The following PDE4D variants were observed in gnomAD, a reference collection of about 807,000 sequenced individuals.
PDE4D encodes 3',5'-cyclic-AMP phosphodiesterase 4D.
Under a neutral mutation model 87.4 loss-of-function variants are expected in PDE4D, and 24 were observed. That is an observed-to-expected ratio of 0.27 (90% confidence interval 0.20 to 0.39). PDE4D has a LOEUF of 0.39. PDE4D is among the 10% of genes least tolerant of loss of function. The pLI is 1.00. For missense variants in PDE4D, 714 were observed against 1,041.0 expected (o/e 0.69, Z 4.32); for synonymous variants, 384 against 383.2 (o/e 1.00, Z -0.02).
intron 1 of PDE4D, among the ~76,000 whole-genome samples, chr5:60,213,865 G>A (rs1255901218): frequency 2.0e-5 from 3 of 152,098 alleles, no homozygotes; most frequent in Non-Finnish European, 2.9e-5. Flanking sequence ...GTGTCTGTAG[G>A]CACCATAGGA....
chr5:59,316,814 T>C lies in PDE4D; in HGVS notation c.456-100846A>G, dbSNP rs370445984. On this transcript the variant is annotated intron_variant, in intron 1 of 14. Transcript: ENST00000340635. Reference sequence around the variant, plus strand: ...AGAATGAGGTAAACAGATGTCATAATAACCACGGGACACCTGCCTTCTTCA... The same window carrying C: ...AGAATGAGGTAAACAGATGTCATAACAACCACGGGACACCTGCCTTCTTCA... Among the ~76,000 whole-genome samples the C allele has an allele frequency of 3.4e-4, 52 of 152,306 alleles. 2 individuals are homozygous for C. Among genetic ancestry groups the C allele is most frequent in the African/African-American group, 1.2e-3 (50 of 41,570 alleles).
intron 2 of PDE4D, among the ~76,000 whole-genome samples, chr5:59,198,216 T>C (rs577566159): frequency 6.6e-6 from 1 of 152,012 alleles, no homozygotes; most frequent in East Asian, 1.9e-4. Flanking sequence ...ACAGCTCTTT[T>C]AAAAAAAAGA....
At chr5:59,568,277 G>C (rs985647461) in intron 1 of PDE4D, among the ~76,000 whole-genome samples, 1 of 152,172 alleles carries the variant, frequency 6.6e-6, no homozygotes, top group Non-Finnish European at 1.5e-5. Context: ...CGATTAGTAT[G>C]ACAGTAGTGG....
At chr5:59,959,693 C>T (rs1249307266) in intron 3 of PDE4D, among the ~76,000 whole-genome samples, 1 of 151,982 alleles carries the variant, frequency 6.6e-6, no homozygotes, top group Non-Finnish European at 1.5e-5. Context: ...TACCTCTTAA[C>T]TCAGGATGGA....
chr5:60,131,407 AAC>A (rs1414305242), intron 2 of PDE4D, among the ~76,000 whole-genome samples: 1 of 152,230 alleles, frequency 6.6e-6, no homozygotes, highest in Non-Finnish European at 1.5e-5. Context: ...ATCAACAAAT[AAC>A]AGTCTGTTGC....
At chr5:59,835,537 T>C (rs1741887972) in intron 1 of PDE4D, among the ~76,000 whole-genome samples, 1 of 152,068 alleles carries the variant, frequency 6.6e-6, no homozygotes. Context: ...TACAGTTCTT[T>C]CATCTTGTAT....
chr5:60,385,898 A>C (rs1381131618), intron 1 of PDE4D, among the ~76,000 whole-genome samples: 1 of 152,034 alleles, frequency 6.6e-6, no homozygotes, highest in Non-Finnish European at 1.5e-5. Flanking sequence ...CTAGCTGGGC[A>C]CTTCCACCTG....
chr5:59,240,806 A>C (rs1581555187), intron 1 of PDE4D, among the ~76,000 whole-genome samples: 2 of 20,366 alleles, frequency 9.8e-5, no homozygotes, highest in South Asian at 1.2e-3. Flanking sequence ...ACACACACAC[A>C]CATCCCTTTT....
At chr5:60,433,742 T>TA (rs1744545657) in intron 1 of PDE4D, among the ~76,000 whole-genome samples, 1 of 152,098 alleles carries the variant, frequency 6.6e-6, no homozygotes, top group Non-Finnish European at 1.5e-5. Flanking sequence ...TATGCAACCA[T>TA]AAAAAAGAAT....
chr5:59,353,979 C>G (rs1780942140), intron 1 of PDE4D, among the ~76,000 whole-genome samples: 1 of 152,122 alleles, frequency 6.6e-6, no homozygotes, highest in East Asian at 1.9e-4. Context: ...AAATCAGACA[C>G]TAATTGAATT....
chr5:59,041,232 T>C (rs1017234602), intron 5 of PDE4D, among the ~76,000 whole-genome samples: 1 of 152,214 alleles, frequency 6.6e-6, no homozygotes, highest in African/African-American at 2.4e-5. Context: ...TCCCCAATTC[T>C]AAGAATGTAA....
chr5:59,210,485 T>C (rs776500363), intron 2 of PDE4D, among the ~76,000 whole-genome samples: 10 of 152,172 alleles, frequency 6.6e-5, no homozygotes, highest in Non-Finnish European at 1.5e-4. Flanking sequence ...GACAGTAGTT[T>C]GACATGGGAG....
At chr5:59,215,747 TTC>T (rs760794145) in intron 2 of PDE4D, 28 bp downstream of exon 2, 287 of 1,597,988 alleles carry the variant, frequency 1.8e-4, no homozygotes, top group Middle Eastern at 3.3e-4. Context: ...TTACTCGGTT[TTC>T]TCTCTCTTTG....
Position 59,731,286 on chromosome 5 carries a change from C to T in PDE4D, c.455+161882G>A, listed in dbSNP as rs566000170. Among the ~76,000 whole-genome samples the T allele has an allele frequency of 1.9e-4, 29 of 152,180 alleles. 1 individual carries two copies. The East Asian group carries it at 4.6e-3, about 24-fold the overall frequency. On this transcript the variant is annotated intron_variant, in intron 1 of 14. Transcript: ENST00000340635. ...TACAGACACCATCCCTTCCTACTTC[C>T]TTTCCATTTCTCTTCTTTACCCTGG...
intron 1 of PDE4D, among the ~76,000 whole-genome samples, chr5:59,871,386 C>T (rs1199725822): frequency 6.6e-6 from 1 of 152,206 alleles, no homozygotes; most frequent in Non-Finnish European, 1.5e-5. Context: ...TCCTGGCCAA[C>T]ACCTTTCTTA....
At position 59,500,303 on chromosome 5, in the gene PDE4D, C is replaced by T. The variant is rs28876414; in HGVS notation, c.456-284335G>A. Among the ~76,000 whole-genome samples the T allele has an allele frequency of 8.9e-3, 1,358 of 152,250 alleles. 6 individuals are homozygous for T. Among genetic ancestry groups the T allele is most frequent in the Non-Finnish European group, 0.015 (989 of 68,020 alleles). ...CCATTCTACCAAAAAGACACCTGCA[C>T]TTATATGTGAATCACAGCACTATTC... On this transcript the variant is annotated intron_variant, in intron 1 of 14. Coordinates refer to ENST00000340635, the MANE Select transcript of PDE4D (RefSeq NM_001104631.2).
chr5:60,061,464 C>G (rs1190801369), intron 2 of PDE4D, among the ~76,000 whole-genome samples: 1 of 152,094 alleles, frequency 6.6e-6, no homozygotes, highest in Non-Finnish European at 1.5e-5. Flanking sequence ...ATCCCATGCT[C>G]ATGGATAGGA....
chr5:60,158,463 GGTGAGTCAATGA>G (rs1395401971), intron 2 of PDE4D, among the ~76,000 whole-genome samples: 1 of 152,138 alleles, frequency 6.6e-6, no homozygotes, highest in African/African-American at 2.4e-5. Context: ...AGTTGCTCTG[GGTGAGTCAATGA>G]GTGAGTGGTG....
At chr5:59,548,344 A>T (rs1340907387) in intron 1 of PDE4D, among the ~76,000 whole-genome samples, 5 of 152,222 alleles carry the variant, frequency 3.3e-5, no homozygotes, top group Non-Finnish European at 5.9e-5. Flanking sequence ...TTGATTGACA[A>T]CAAGGGACTC....
Sources: gnomAD v4.1 joint callset for allele counts (sites outside exome capture counted in the v4.1 genomes callset) on GRCh38, gnomAD v4.1.1 for gene constraint, MANE v1.5 for transcripts, NCBI Gene and HGNC (gene_info 2026-07-23, HGNC 2026-07-21) for gene names.